Variants in SFI1 observed in about 807,000 individuals in gnomAD.
SFI1 encodes SFI1 centrin binding protein.
SFI1 carries 195 observed loss-of-function variants against 207.5 expected under a neutral mutation model. The observed-to-expected ratio is 0.94, with a 90% CI of 0.84 to 1.06. SFI1 has a LOEUF of 1.06. Ranked by LOEUF, SFI1 falls within the 50% of genes least tolerant of loss-of-function variation. The pLI is 0.00. For missense variants in SFI1, 1,634 were observed against 1,588.0 expected (o/e 1.03, Z -0.49); for synonymous variants, 630 against 598.9 (o/e 1.05, Z -0.76).
chr22:31,554,195 C>A (rs2060934034), intron 6 of SFI1, among the ~76,000 whole-genome samples: 2 of 151,968 alleles, frequency 1.3e-5, no homozygotes. Flanking sequence ...TTGCCTTAAC[C>A]CAGGGTCACA....
In SFI1 at chr22:31,589,452, A is replaced by G. The variant is rs764531139; in HGVS notation, c.1419A>G (p.Leu473=). 1.2e-6 allele frequency: 2 copies of G among 1,602,574 alleles called. No individual in the cohort carries two copies. Among genetic ancestry groups the G allele is most frequent in the East Asian group, 4.5e-5 (2 of 44,690 alleles). The change falls in exon 15 of 33, where the codon CTA becomes CTG. Residue 473 remains leucine, a synonymous_variant. Transcript: ENST00000400288. ...TATTCATTCTTTTACTTTAGCTGCT[A>G]CAGGCCAGAGCGGATGGTCATTTCC... ...YTQKRRYKQL[L]QARADGHFQQ...
chr22:31,514,525 A>AG (rs1323525123), intron 2 of SFI1, among the ~76,000 whole-genome samples: 2 of 150,724 alleles, frequency 1.3e-5, no homozygotes, highest in Non-Finnish European at 3.0e-5. Context: ...AAAAAAAAAA[A>AG]AAAAAATCAA....
intron 13 of SFI1, 57 bp downstream of exon 13, chr22:31,584,029 T>G: frequency 1.4e-6 from 2 of 1,437,020 alleles, no homozygotes; most frequent in Non-Finnish European, 2.0e-6. Flanking sequence ...TGACTTACTG[T>G]TTTCCAGGAG....
chr22:31,615,764 G>C (rs1292073257), intron 29 of SFI1: 1 of 155,050 alleles, frequency 6.4e-6, no homozygotes, highest in Non-Finnish European at 1.4e-5. Context: ...AGATGAGGCA[G>C]GATATGCTGC....
At chr22:31,603,847 G>A (rs751838110) in intron 18 of SFI1, 28 bp downstream of exon 18, 8 of 1,571,438 alleles carry the variant, frequency 5.1e-6, no homozygotes, top group African/African-American at 2.8e-5. Flanking sequence ...GGTGCCACCC[G>A]TGTATGACTT....
chr22:31,532,988 T>A (rs183674228), intron 4 of SFI1, among the ~76,000 whole-genome samples: 1 of 152,218 alleles, frequency 6.6e-6, no homozygotes, highest in Non-Finnish European at 1.5e-5. Flanking sequence ...TAGTCAGGGT[T>A]CATGGCATGT....
intron 7 of SFI1, among the ~76,000 whole-genome samples, chr22:31,560,470 T>G (rs2061584227): frequency 6.7e-6 from 1 of 149,496 alleles, no homozygotes; most frequent in Non-Finnish European, 1.5e-5. Flanking sequence ...GGCACGATCT[T>G]GGCTCACAGC....
At chr22:31,517,182 C>G (rs1321312247) in intron 2 of SFI1, among the ~76,000 whole-genome samples, 1 of 151,822 alleles carries the variant, frequency 6.6e-6, no homozygotes, top group Admixed American at 6.6e-5. Context: ...GTGTCTTTTC[C>G]TTTATAATTA....
At chr22:31,503,527 T>A (rs2054138716) in intron 1 of SFI1, among the ~76,000 whole-genome samples, 1 of 151,838 alleles carries the variant, frequency 6.6e-6, no homozygotes, top group South Asian at 2.1e-4. Context: ...CCTTAGAAGG[T>A]CAATCTACAT....
chr22:31,612,024 G>A (rs1348615637), intron 24 of SFI1, 184 bp downstream of exon 24: 24 of 1,400,036 alleles, frequency 1.7e-5, no homozygotes, highest in Non-Finnish European at 2.1e-5. Flanking sequence ...TCCGTCTGCA[G>A]TCTGCATAAG....
chr22:31,520,604 G>A (rs2057109528), intron 2 of SFI1, among the ~76,000 whole-genome samples: 1 of 151,928 alleles, frequency 6.6e-6, no homozygotes, highest in African/African-American at 2.4e-5. Context: ...CAGAGGGAAA[G>A]TAATATATGT....
intron 2 of SFI1, among the ~76,000 whole-genome samples, chr22:31,518,037 G>A (rs568665773): frequency 5.6e-4 from 85 of 152,200 alleles, no homozygotes; most frequent in Non-Finnish European, 9.7e-4. Context: ...CTGTCGCCCA[G>A]CAGGAGTGGC....
intron 4 of SFI1, 21 bp downstream of exon 4, chr22:31,531,150 C>T: frequency 6.3e-7 from 1 of 1,583,288 alleles, no homozygotes; most frequent in South Asian, 1.1e-5. Context: ...CTCAGAACAA[C>T]ATAATTGTGT....
intron 15 of SFI1, among the ~76,000 whole-genome samples, chr22:31,590,998 T>C (rs1000682326): frequency 4.8e-5 from 7 of 145,650 alleles, no homozygotes; most frequent in African/African-American, 1.8e-4. Context: ...TTGATAATTC[T>C]TGGGTGTTTC....
At chr22:31,567,388 G>A (rs1335092959) in intron 8 of SFI1, among the ~76,000 whole-genome samples, 1 of 152,188 alleles carries the variant, frequency 6.6e-6, no homozygotes, top group Non-Finnish European at 1.5e-5. Context: ...GGCCTGGCAG[G>A]CTGTGCCTGA....
chr22:31,587,092 A>G lies in SFI1; in HGVS notation c.1413+1958A>G, dbSNP rs191725329. 2.0e-5 allele frequency among the ~76,000 whole-genome samples: 3 copies of G among 152,298 alleles called. No homozygotes were observed. The East Asian group carries it at 5.8e-4, about 29-fold the overall frequency. ...TCCACATCCATAGATTCAACCAACC[A>G]TGGATAAAAAATATTCAGAGGAAAA... is the stretch of plus-strand genomic sequence containing the variant. On this transcript the variant is annotated intron_variant, in intron 14 of 32. Transcript: ENST00000400288.
intron 3 of SFI1, among the ~76,000 whole-genome samples, chr22:31,529,575 T>C (rs1441238278): frequency 6.6e-6 from 1 of 152,190 alleles, no homozygotes; most frequent in Non-Finnish European, 1.5e-5. Context: ...GGTGTTACGC[T>C]AGATGCTGAG....
intron 4 of SFI1, among the ~76,000 whole-genome samples, chr22:31,545,877 CTTTT>C (rs770151262): frequency 1.0e-5 from 1 of 99,496 alleles, no homozygotes; most frequent in East Asian, 2.9e-4. Context: ...CCGTGTCCAG[CTTTT>C]TTTTTTTTTT....
intron 7 of SFI1, among the ~76,000 whole-genome samples, chr22:31,558,902 T>A (rs183787376): frequency 2.0e-3 from 303 of 152,304 alleles, no homozygotes; most frequent in Non-Finnish European, 3.2e-3. Context: ...CTGCAAGCTC[T>A]GCTTCCTGGG....
Sources: gnomAD v4.1 joint callset for allele counts (sites outside exome capture counted in the v4.1 genomes callset) on GRCh38, gnomAD v4.1.1 for gene constraint, MANE v1.5 for transcripts, NCBI Gene and HGNC (gene_info 2026-07-23, HGNC 2026-07-21) for gene names.